Variants in MAN1C1 observed in about 807,000 individuals in gnomAD.
The protein encoded by MAN1C1 is mannosidase alpha class 1C member 1, also known as mannosyl-oligosaccharide 1,2-alpha-mannosidase IC.
In MAN1C1, 49 loss-of-function variants were observed where a neutral mutation model predicts 71.5. The ratio of observed to expected loss-of-function variants is 0.69; its 90% confidence interval spans 0.54 to 0.87. The LOEUF (loss-of-function observed/expected upper bound fraction) is 0.87, where lower values mean the gene tolerates loss of function less well. MAN1C1 is among the 40% of genes least tolerant of loss of function. MAN1C1 has a pLI of 0.00. For missense variants in MAN1C1, 743 were observed against 835.0 expected, an observed-to-expected ratio of 0.89 and a Z score of 1.36; for synonymous variants, 352 against 343.7, an observed-to-expected ratio of 1.02 and a Z score of -0.27.
At chr1:25,771,568 C>T (rs889472176) in intron 7 of MAN1C1, 89 bp from the exon 8 acceptor site, 3 of 936,044 alleles carry the variant, frequency 3.2e-6, no homozygotes, top group African/African-American at 3.3e-5. Context: ...AGGCACCGGG[C>T]CCCTGAGGTC....
intron 1 of MAN1C1, among the ~76,000 whole-genome samples, chr1:25,684,354 T>C (rs1012198446): frequency 2.0e-5 from 3 of 152,210 alleles, no homozygotes; most frequent in Non-Finnish European, 4.4e-5. Flanking sequence ...GAACCAGGAC[T>C]CAAAGCCCAT....
At chr1:25,680,950 G>A (rs3014709) in intron 1 of MAN1C1, among the ~76,000 whole-genome samples, 3,778 of 152,200 alleles carry the variant, frequency 0.025, 148 homozygotes, top group African/African-American at 0.081. Flanking sequence ...AGATGAGCAC[G>A]GTGGCTCATG....
chr1:25,694,265 G>T (rs926387172), intron 2 of MAN1C1, among the ~76,000 whole-genome samples: 2 of 152,146 alleles, frequency 1.3e-5, no homozygotes, highest in African/African-American at 4.8e-5. Context: ...TAGCAGTTCT[G>T]CTTAGTCAGC....
At chr1:25,646,720 TG>T (rs2045619941) in intron 1 of MAN1C1, among the ~76,000 whole-genome samples, 1 of 152,342 alleles carries the variant, frequency 6.6e-6, no homozygotes, top group East Asian at 1.9e-4. Context: ...ATGACAGTTT[TG>T]AAGTTCACTG....
rs554861021 is a variant in MAN1C1, at chr1:25,764,740, A to G, written c.1141+773A>G. 6.6e-6 allele frequency among the ~76,000 whole-genome samples: 1 copy of G among 152,172 alleles called. No homozygotes were observed. Among genetic ancestry groups the G allele is most frequent in the African/African-American group, 2.4e-5 (1 of 41,528 alleles). On this transcript the variant is annotated intron_variant, in intron 7 of 11. Transcript: ENST00000374332. This position sits in a 1 kb window ranked among gnomAD's most constrained non-coding sequence, Gnocchi z 4.4. ...GCTCCAACTTTAATTTAAAAAACAA[A>G]CAAACAAACAAACAAACAAAAACCA...
chr1:25,651,499 C>T (rs2045692145), intron 1 of MAN1C1, among the ~76,000 whole-genome samples: 1 of 152,206 alleles, frequency 6.6e-6, no homozygotes, highest in African/African-American at 2.4e-5. Flanking sequence ...GAAGGGGCAG[C>T]CCAGCACTGT....
intron 10 of MAN1C1, 120 bp downstream of exon 10, chr1:25,781,232 C>T (rs551662206): frequency 3.8e-5 from 41 of 1,087,538 alleles, no homozygotes; most frequent in South Asian, 7.6e-5. Flanking sequence ...GACCTCTGAC[C>T]ACAGTTCAGA....
At chr1:25,687,754 G>T (rs1426867792) in intron 2 of MAN1C1, among the ~76,000 whole-genome samples, 1 of 152,038 alleles carries the variant, frequency 6.6e-6, no homozygotes, top group Non-Finnish European at 1.5e-5. Context: ...GTGGACTGGG[G>T]CAGCTTTATG....
At chr1:25,755,052 C>A (rs964221936) in intron 5 of MAN1C1, among the ~76,000 whole-genome samples, 1 of 152,180 alleles carries the variant, frequency 6.6e-6, no homozygotes, top group Non-Finnish European at 1.5e-5. Flanking sequence ...TGTTGTTGCA[C>A]CTGCCCCCGG....
intron 1 of MAN1C1, among the ~76,000 whole-genome samples, chr1:25,635,803 T>C (rs530636446): frequency 6.6e-6 from 1 of 152,310 alleles, no homozygotes; most frequent in South Asian, 2.1e-4. Context: ...CTTTAATTCC[T>C]GTTATGGCAA....
chr1:25,654,245 C>T (rs1208165368), intron 1 of MAN1C1: 2 of 152,426 alleles, frequency 1.3e-5, no homozygotes, highest in South Asian at 2.1e-4. Context: ...TTCTTAGACA[C>T]AGCGGTCCTG....
chr1:25,728,346 C>T (rs930642398), intron 2 of MAN1C1, among the ~76,000 whole-genome samples: 1 of 152,132 alleles, frequency 6.6e-6, no homozygotes, highest in Non-Finnish European at 1.5e-5. Context: ...TGTGGTTCCT[C>T]GCTGCTTGCA....
chr1:25,661,169 G>A (rs371298848), intron 1 of MAN1C1, among the ~76,000 whole-genome samples: 17 of 152,318 alleles, frequency 1.1e-4, no homozygotes, highest in African/African-American at 3.8e-4. Context: ...CAGAGGGTTA[G>A]TTGTTAAACC....
intron 2 of MAN1C1, among the ~76,000 whole-genome samples, chr1:25,690,438 G>A (rs560005761): frequency 6.6e-5 from 10 of 152,226 alleles, no homozygotes; most frequent in African/African-American, 7.2e-5. Context: ...GATTAGAGGC[G>A]TGTGCCACCA....
At chr1:25,699,170 C>T (rs879327261) in intron 2 of MAN1C1, among the ~76,000 whole-genome samples, 1 of 151,798 alleles carries the variant, frequency 6.6e-6, no homozygotes, top group Non-Finnish European at 1.5e-5. Context: ...CTTGGTGGTA[C>T]ATGCCTGTAA....
chr1:25,767,562 TCACACACACCCA>T (rs1215667475), intron 7 of MAN1C1, among the ~76,000 whole-genome samples: 1 of 82,036 alleles, frequency 1.2e-5, no homozygotes, highest in African/African-American at 4.9e-5. Context: ...CACACTCCCC[TCACACACACCCA>T]CACACACAGA....
chr1:25,724,334 C>T (rs796344408), intron 2 of MAN1C1, among the ~76,000 whole-genome samples: 55 of 152,260 alleles, frequency 3.6e-4, no homozygotes, highest in African/African-American at 1.3e-3. Context: ...CCTATGACTG[C>T]AGATCTTGAC....
At chr1:25,732,370 A>C (rs1425656708) in intron 2 of MAN1C1, among the ~76,000 whole-genome samples, 2 of 152,186 alleles carry the variant, frequency 1.3e-5, no homozygotes, top group Non-Finnish European at 2.9e-5. Flanking sequence ...ACCAGGGAAG[A>C]TGGCCAGAGT....
chr1:25,746,820 G>GCCCGGCC lies in MAN1C1; in HGVS notation c.753+37_753+38insCCCGGCC. ...GCCCTCGGCGGGGGAGGGGGGCGGG[G>GCCCGGCC]GCCAGAAGAGGCCCAACAGCCAGCT... On this transcript the variant is annotated intron_variant, in intron 3 of 11. Transcript: ENST00000374332. The surrounding 1 kb of genome is among the most constrained non-coding windows in gnomAD (Gnocchi z 4.0). 2 of 965,734 alleles carry GCCCGGCC rather than the reference G, an allele frequency of 2.1e-6. No homozygotes were observed. 59.8% of individuals were successfully genotyped at this position (965,734 alleles called of 1,614,324 possible). A position where few individuals can be genotyped will look rare whatever the true frequency, so the allele number is the denominator to read the frequency against.
Sources: allele counts gnomAD v4.1 joint callset (sites outside exome capture counted in the v4.1 genomes callset), GRCh38; gene constraint gnomAD v4.1.1; non-coding constraint Gnocchi (gnomAD v3.1); transcripts MANE v1.5; gene names NCBI Gene and HGNC (gene_info 2026-07-23, HGNC 2026-07-21).